Variants in SPOCK1 observed in about 807,000 individuals in gnomAD.
SPOCK1 encodes SPARC (osteonectin), cwcv and kazal like domains proteoglycan 1, also known as testican-1.
A neutral mutation model predicts 55.3 loss-of-function variants in SPOCK1; 23 were observed. That is an observed-to-expected ratio of 0.42 (90% CI 0.30 to 0.59). The LOEUF is 0.59. Ranked by LOEUF, SPOCK1 falls within the 20% of genes least tolerant of loss-of-function variation. The pLI is 0.22. For missense variants in SPOCK1, 499 were observed against 552.5 expected, an observed-to-expected ratio of 0.90 and a Z score of 0.97; for synonymous variants, 226 against 221.0, an observed-to-expected ratio of 1.02 and a Z score of -0.20.
chr5:137,093,391 T>C (rs1580746809), intron 5 of SPOCK1, among the ~76,000 whole-genome samples: 1 of 152,244 alleles, frequency 6.6e-6, no homozygotes, highest in East Asian at 1.9e-4. Flanking sequence ...TTATGAGAAC[T>C]ATAGCACTTT....
chr5:137,255,496 G>A (rs1479398386), intron 3 of SPOCK1, among the ~76,000 whole-genome samples: 1 of 152,158 alleles, frequency 6.6e-6, no homozygotes, highest in Non-Finnish European at 1.5e-5. Context: ...ATCTATTCGT[G>A]TTATCACTTG....
At chr5:137,276,238 A>C (rs1369156630) in intron 2 of SPOCK1, among the ~76,000 whole-genome samples, 1 of 151,292 alleles carries the variant, frequency 6.6e-6, no homozygotes, top group African/African-American at 2.4e-5. Flanking sequence ...GTTCCCCAAA[A>C]CTCTGTCCAT....
chr5:137,191,062 A>G (rs6878269), intron 3 of SPOCK1, among the ~76,000 whole-genome samples: 93,354 of 152,008 alleles, frequency 0.61, 28,809 homozygotes, highest in East Asian at 0.73. Flanking sequence ...GCTGTCTTCT[A>G]TTCTCTTCTC....
intron 3 of SPOCK1, among the ~76,000 whole-genome samples, chr5:137,163,696 C>G (rs1754599977): frequency 1.3e-5 from 2 of 152,162 alleles, no homozygotes; most frequent in Admixed American, 1.3e-4. Flanking sequence ...ACCCTCAGGT[C>G]TGTCAGCCTT....
At chr5:137,170,486 G>A (rs994497242) in intron 3 of SPOCK1, among the ~76,000 whole-genome samples, 51 of 152,200 alleles carry the variant, frequency 3.4e-4, no homozygotes, top group Non-Finnish European at 5.7e-4. Context: ...TTGGAGATGG[G>A]GACTTTGGGC....
At chr5:137,395,041 G>A (rs1032002315) in intron 2 of SPOCK1, among the ~76,000 whole-genome samples, 5 of 152,192 alleles carry the variant, frequency 3.3e-5, no homozygotes, top group Non-Finnish European at 7.3e-5. Flanking sequence ...GGGCAGACCT[G>A]GGGCCAAACC....
chr5:137,283,795 G>A (rs1284443284), intron 2 of SPOCK1, among the ~76,000 whole-genome samples: 1 of 152,086 alleles, frequency 6.6e-6, no homozygotes, highest in Non-Finnish European at 1.5e-5. Context: ...TAGCATTCAA[G>A]GAAGAGACAG....
In SPOCK1 at chr5:137,187,730, T is replaced by A. The variant is rs116310269; in HGVS notation, c.233-47036A>T. Among the ~76,000 whole-genome samples, 822 of 152,206 alleles carry A rather than the reference T, an allele frequency of 5.4e-3. 9 individuals are homozygous for A. Among genetic ancestry groups the A allele is most frequent in the African/African-American group, 0.018 (757 of 41,528 alleles). On this transcript the variant is annotated intron_variant, in intron 3 of 10. Coordinates refer to ENST00000394945, the MANE Select transcript of SPOCK1 (RefSeq NM_004598.4). ...TAAACAAGACAGGAACCATTAAAAT[T>A]CAATATGTTAATAGGAGAAATCTGT...
chr5:137,335,854 A>G (rs960357924), intron 2 of SPOCK1, among the ~76,000 whole-genome samples: 1 of 152,232 alleles, frequency 6.6e-6, no homozygotes, highest in Non-Finnish European at 1.5e-5. Context: ...GAACTGAACT[A>G]CATTATAAAG....
At chr5:137,462,000 T>C (rs1289335397) in intron 2 of SPOCK1, among the ~76,000 whole-genome samples, 2 of 152,128 alleles carry the variant, frequency 1.3e-5, no homozygotes, top group Non-Finnish European at 2.9e-5. Flanking sequence ...GAGCCCCAGA[T>C]AAAAGGCCAA....
At chr5:137,228,943 G>T (rs1251608683) in intron 3 of SPOCK1, among the ~76,000 whole-genome samples, 1 of 152,170 alleles carries the variant, frequency 6.6e-6, no homozygotes. Context: ...GAATTTGTTA[G>T]AACTTACCCT....
chr5:137,183,625 G>A (rs975343012), intron 3 of SPOCK1, among the ~76,000 whole-genome samples: 2 of 152,156 alleles, frequency 1.3e-5, no homozygotes, highest in Non-Finnish European at 2.9e-5. Context: ...GTCTAGGGGT[G>A]GGACCTGGTA....
chr5:137,328,015 C>T (rs139970731), intron 2 of SPOCK1, among the ~76,000 whole-genome samples: 1 of 152,210 alleles, frequency 6.6e-6, no homozygotes, highest in South Asian at 2.1e-4. Flanking sequence ...ACCTGTGAAG[C>T]CATTTAAGGT....
intron 3 of SPOCK1, among the ~76,000 whole-genome samples, chr5:137,266,368 G>A (rs1185317620): frequency 6.6e-6 from 1 of 152,162 alleles, no homozygotes; most frequent in Non-Finnish European, 1.5e-5. Context: ...GTGATTCATG[G>A]CAGGTCCTCA....
intron 2 of SPOCK1, among the ~76,000 whole-genome samples, chr5:137,289,017 G>T (rs1757317975): frequency 6.6e-6 from 1 of 152,202 alleles, no homozygotes; most frequent in Admixed American, 6.5e-5. Context: ...ACTGAGCTAT[G>T]GGGTCCAACA....
intron 7 of SPOCK1, among the ~76,000 whole-genome samples, chr5:136,992,244 A>G (rs1750962258): frequency 6.6e-6 from 1 of 152,198 alleles, no homozygotes; most frequent in Non-Finnish European, 1.5e-5. Flanking sequence ...ATGACACCAG[A>G]AAAAACCTTA....
intron 2 of SPOCK1, among the ~76,000 whole-genome samples, chr5:137,345,705 G>A (rs1750541536): frequency 6.6e-6 from 1 of 152,214 alleles, no homozygotes; most frequent in Admixed American, 6.5e-5. Context: ...TCTAGGGGCT[G>A]AGCCCAGGAA....
intron 2 of SPOCK1, among the ~76,000 whole-genome samples, chr5:137,352,393 G>A (rs182932011): frequency 3.3e-5 from 5 of 152,348 alleles, no homozygotes; most frequent in South Asian, 2.1e-4. Flanking sequence ...AAGGCACACC[G>A]TGCCTCACCT....
chr5:137,244,415 A>G (rs1009707035), intron 3 of SPOCK1, among the ~76,000 whole-genome samples: 2 of 152,226 alleles, frequency 1.3e-5, no homozygotes, highest in Non-Finnish European at 2.9e-5. Context: ...AAGAAAACAC[A>G]TAACAGAATT....
Sources: gnomAD v4.1 joint callset for allele counts (sites outside exome capture counted in the v4.1 genomes callset) on GRCh38, gnomAD v4.1.1 for gene constraint, MANE v1.5 for transcripts, NCBI Gene and HGNC (gene_info 2026-07-23, HGNC 2026-07-21) for gene names.